EPS8: variants seen among roughly 807,000 people sequenced by gnomAD.
The protein encoded by EPS8 is epidermal growth factor receptor kinase substrate 8.
In EPS8, 42 loss-of-function variants were observed where a neutral mutation model predicts 103.8. The observed-to-expected ratio is 0.40, with a 90% CI of 0.32 to 0.52. The LOEUF is 0.52. Ranked by LOEUF, EPS8 falls within the 20% of genes least tolerant of loss-of-function variation. The pLI is 0.40. For missense variants in EPS8, 969 were observed against 1,005.1 expected (o/e 0.96, Z 0.49); for synonymous variants, 344 against 344.6 (o/e 1.00, Z 0.02).
At chr12:15,657,911 AG>A in intron 12 of EPS8, 167 bp downstream of exon 12, 1 of 592,914 alleles carries the variant, frequency 1.7e-6, no homozygotes, top group East Asian at 3.0e-5. Context: ...GATGATTTAC[AG>A]GGTTCTTTTA....
At chr12:15,679,426 T>C (rs1945966394) in intron 3 of EPS8, among the ~76,000 whole-genome samples, 1 of 152,214 alleles carries the variant, frequency 6.6e-6, no homozygotes, top group South Asian at 2.1e-4. Context: ...ATTACACTCA[T>C]TCTGCAAGTA....
At chr12:15,770,918 C>T (rs914933464) in intron 1 of EPS8, among the ~76,000 whole-genome samples, 5 of 152,086 alleles carry the variant, frequency 3.3e-5, no homozygotes, top group East Asian at 1.9e-4. Flanking sequence ...ACACATTGAG[C>T]GTCTATCACA....
Position 15,745,323 on chromosome 12 carries a change from T to A in EPS8, c.-22+43838A>T, listed in dbSNP as rs756465667. ...ACAAAAGAACTAGAGTAGATCAGGA[T>A]AGCAAGTACATGACGTTTGTGCGGG... On this transcript the variant is annotated intron_variant, in intron 1 of 20. Transcript: ENST00000281172. The surrounding 1 kb of genome is among the most constrained non-coding windows in gnomAD (Gnocchi z 4.6). 6.6e-6 allele frequency among the ~76,000 whole-genome samples: 1 copy of A among 152,190 alleles called. No individual in the cohort carries two copies. Among genetic ancestry groups the A allele is most frequent in the Non-Finnish European group, 1.5e-5 (1 of 68,030 alleles).
At position 15,787,655 on chromosome 12, in the gene EPS8, CT is replaced by C. The variant is rs929226444; in HGVS notation, c.-22+1505del. ...ATTAAAAGCAAATTATATTTTCCTTCTTTTTTTTCTGCTATAAAGTGAATGA... is the reference window on the plus strand; with the variant it reads ...ATTAAAAGCAAATTATATTTTCCTTCTTTTTTTCTGCTATAAAGTGAATGA... On this transcript the variant is annotated intron_variant, in intron 1 of 20. Coordinates refer to ENST00000281172, the MANE Select transcript of EPS8 (RefSeq NM_004447.6). The surrounding 1 kb of genome is among the most constrained non-coding windows in gnomAD (Gnocchi z 4.9). Among the ~76,000 whole-genome samples the C allele has an allele frequency of 1.4e-4, 21 of 151,944 alleles. No individual in the cohort carries two copies. The highest frequency in any genetic ancestry group is 2.9e-4 in the Non-Finnish European group (20 of 67,956).
chr12:15,649,943 T>A (rs1322774620), intron 14 of EPS8, among the ~76,000 whole-genome samples: 2 of 152,196 alleles, frequency 1.3e-5, no homozygotes, highest in African/African-American at 4.8e-5. Context: ...CATCATTTAC[T>A]GTTTCTTCTT....
chr12:15,718,751 T>C (rs1207708664), intron 1 of EPS8, among the ~76,000 whole-genome samples: 4 of 152,164 alleles, frequency 2.6e-5, no homozygotes, highest in Non-Finnish European at 1.5e-5. Flanking sequence ...AAACGCATTT[T>C]TAAACCTACA....
chr12:15,702,569 G>GA lies in EPS8; in HGVS notation c.-21-19598dup, dbSNP rs1316087242. ...CATAGAGCAGCAGCAAACTACTGAAGAAAAAAAATGCATGCTTAATGTTTT... is the reference window on the plus strand; with the variant it reads ...CATAGAGCAGCAGCAAACTACTGAAGAAAAAAAAATGCATGCTTAATGTTTT... On this transcript the variant is annotated intron_variant, in intron 1 of 20. Coordinates refer to ENST00000281172, the MANE Select transcript of EPS8 (RefSeq NM_004447.6). This position sits in a 1 kb window ranked among gnomAD's most constrained non-coding sequence, Gnocchi z 5.1. 2.6e-5 allele frequency among the ~76,000 whole-genome samples: 4 copies of GA among 151,324 alleles called. No individual in the cohort carries two copies. Among genetic ancestry groups the GA allele is most frequent in the African/African-American group, 9.7e-5 (4 of 41,298 alleles).
chr12:15,769,884 T>C lies in EPS8; in HGVS notation c.-22+19277A>G, dbSNP rs1947135067. On this transcript the variant is annotated intron_variant, in intron 1 of 20. Transcript: ENST00000281172. This position sits in a 1 kb window ranked among gnomAD's most constrained non-coding sequence, Gnocchi z 4.6. ...GATTTTATTCTTAGCAGTTGAATAA[T>C]ACCCAAAATAGTTCCAGTGCCACAA... Among the ~76,000 whole-genome samples, 1 of 152,160 alleles carries C rather than the reference T, an allele frequency of 6.6e-6. No individual in the cohort carries two copies. Among genetic ancestry groups the C allele is most frequent in the Admixed American group, 6.5e-5 (1 of 15,272 alleles).
chr12:15,649,520 G>T (rs1313896770), intron 14 of EPS8, among the ~76,000 whole-genome samples: 1 of 151,986 alleles, frequency 6.6e-6, no homozygotes, highest in Non-Finnish European at 1.5e-5. Flanking sequence ...TACAGGCAGG[G>T]GTATATGCTT....
Position 15,736,963 on chromosome 12 carries a change from A to G in EPS8, c.-22+52198T>C, listed in dbSNP as rs1849431276. ...AAAATCTTCATATTTAAAGTAACAT[A>G]CTTTAATTCATGTAGCTAGACAGCT... On this transcript the variant is annotated intron_variant, in intron 1 of 20. Coordinates refer to ENST00000281172, the MANE Select transcript of EPS8 (RefSeq NM_004447.6). This position sits in a 1 kb window ranked among gnomAD's most constrained non-coding sequence, Gnocchi z 4.2. Among the ~76,000 whole-genome samples the G allele has an allele frequency of 6.6e-6, 1 of 152,164 alleles. No individual in the cohort carries two copies. The highest frequency in any genetic ancestry group is 2.1e-4 in the South Asian group (1 of 4,830).
In EPS8 at chr12:15,685,389, A is replaced by T. The variant is rs938490741; in HGVS notation, c.-21-2417T>A. On this transcript the variant is annotated intron_variant, in intron 1 of 20. Transcript: ENST00000281172. ...AAAAAAAGAAGTGTTCTTTCAAAGC[A>T]AGCTGGTTCATTCAGTATATAAATT... Among the ~76,000 whole-genome samples the T allele has an allele frequency of 5.3e-5, 8 of 152,216 alleles. No individual in the cohort carries two copies. The East Asian group carries it at 1.3e-3, about 26-fold the overall frequency.
At position 15,668,536 on chromosome 12, in the gene EPS8, T is replaced by C. The variant is rs1223289055; in HGVS notation, c.516+851A>G. Reference sequence around the variant, plus strand: ...GTTGAAGATAACTTCTAAGGTCCAATAAAGCATCACAAATTATAATCATTT... The same window carrying C: ...GTTGAAGATAACTTCTAAGGTCCAACAAAGCATCACAAATTATAATCATTT... On this transcript the variant is annotated intron_variant, in intron 6 of 20. Transcript: ENST00000281172. Among the ~76,000 whole-genome samples, 3 of 152,238 alleles carry C rather than the reference T, an allele frequency of 2.0e-5. No individual in the cohort carries two copies. The East Asian group carries it at 5.8e-4, about 29-fold the overall frequency.
intron 18 of EPS8, among the ~76,000 whole-genome samples, chr12:15,626,141 A>G (rs1944941404): frequency 6.6e-6 from 1 of 152,122 alleles, no homozygotes; most frequent in African/African-American, 2.4e-5. Flanking sequence ...TTCCTGTCCT[A>G]TACTACATCC....
chr12:15,647,196 C>G lies in EPS8; in HGVS notation c.1499G>C (p.Arg500Thr). ...GYAFSSNIYT[R>T]GSHLDQGEAA... ...TTCCCCTTGGTCCAGGTGGGATCCT[C>G]TTGTGTAAATGTTGCTACTGAACGC... is the stretch of plus-strand genomic sequence containing the variant. The change falls in exon 15 of 21, where the codon AGA becomes ACA. Residue 500 changes from arginine to threonine, a missense_variant. Arg to Thr is a moderately conservative substitution (Grantham distance 71). Coordinates refer to ENST00000281172, the MANE Select transcript of EPS8 (RefSeq NM_004447.6). 1.2e-6 allele frequency: 2 copies of G among 1,613,962 alleles called. No individual in the cohort carries two copies. Among genetic ancestry groups the G allele is most frequent in the Non-Finnish European group, 1.7e-6 (2 of 1,179,888 alleles).
chr12:15,663,935 A>ATAATAATAATAAT (rs1248656121), intron 8 of EPS8, among the ~76,000 whole-genome samples: 5 of 11,102 alleles, frequency 4.5e-4, no homozygotes, highest in Non-Finnish European at 8.6e-4. Flanking sequence ...AAAAAAAAAA[A>ATAATAATAATAAT]AAAAAAAAAA....
At position 15,731,947 on chromosome 12, in the gene EPS8, A is replaced by AT. The variant is rs1946721259; in HGVS notation, c.-21-48976dup. ...TCTGATTTCAGGATGGAATTTTTTCATTTTATCCATAAAAAGGAAACAAAC... is the reference window on the plus strand; with the variant it reads ...TCTGATTTCAGGATGGAATTTTTTCATTTTTATCCATAAAAAGGAAACAAAC... On this transcript the variant is annotated intron_variant, in intron 1 of 20. Transcript: ENST00000281172. The surrounding 1 kb of genome is among the most constrained non-coding windows in gnomAD (Gnocchi z 5.1). Among the ~76,000 whole-genome samples the AT allele has an allele frequency of 6.6e-6, 1 of 152,078 alleles. No individual in the cohort carries two copies. Among genetic ancestry groups the AT allele is most frequent in the Admixed American group, 6.5e-5 (1 of 15,272 alleles).
intron 1 of EPS8, among the ~76,000 whole-genome samples, chr12:15,691,942 C>A (rs948514839): frequency 6.6e-6 from 1 of 152,074 alleles, no homozygotes; most frequent in African/African-American, 2.4e-5. Flanking sequence ...CATTGAAGCA[C>A]CACCCATTCT....
At position 15,688,806 on chromosome 12, in the gene EPS8, C is replaced by T. The variant is rs1399077956; in HGVS notation, c.-21-5834G>A. Among the ~76,000 whole-genome samples, 1 of 152,156 alleles carries T rather than the reference C, an allele frequency of 6.6e-6. No homozygotes were observed. Among genetic ancestry groups the T allele is most frequent in the Non-Finnish European group, 1.5e-5 (1 of 68,034 alleles). ...AATAACCCCAGGATACAGAAAACCC[C>T]CTGTCCTTGCAATAAGGTAGAGGAT... On this transcript the variant is annotated intron_variant, in intron 1 of 20. Transcript: ENST00000281172. This position sits in a 1 kb window ranked among gnomAD's most constrained non-coding sequence, Gnocchi z 5.1.
Position 15,761,550 on chromosome 12 carries a change from G to A in EPS8, c.-22+27611C>T, listed in dbSNP as rs539823752. Among the ~76,000 whole-genome samples the A allele has an allele frequency of 1.3e-5, 2 of 152,162 alleles. No individual in the cohort carries two copies. Among genetic ancestry groups the A allele is most frequent in the East Asian group, 3.9e-4 (2 of 5,180 alleles). On this transcript the variant is annotated intron_variant, in intron 1 of 20. Transcript: ENST00000281172. This position sits in a 1 kb window ranked among gnomAD's most constrained non-coding sequence, Gnocchi z 4.5. ...TTTCAAATTATACTATGGAGCTATA[G>A]TAACCAAAAAGGCATGGAACTGGAA... is the stretch of plus-strand genomic sequence containing the variant.
Sources: allele counts gnomAD v4.1 joint callset (sites outside exome capture counted in the v4.1 genomes callset), GRCh38; gene constraint gnomAD v4.1.1; non-coding constraint Gnocchi (gnomAD v3.1); transcripts MANE v1.5; gene names NCBI Gene and HGNC (gene_info 2026-07-23, HGNC 2026-07-21).